Variants in KIAA1755 observed in about 807,000 individuals in gnomAD.
KIAA1755 encodes uncharacterized protein KIAA1755.
KIAA1755 carries 68 observed loss-of-function variants against 91.7 expected under a neutral mutation model. The ratio of observed to expected loss-of-function variants is 0.74; its 90% CI spans 0.61 to 0.91. KIAA1755 has a LOEUF of 0.91. KIAA1755 is among the 40% of genes least tolerant of loss of function. KIAA1755 has a pLI of 0.00. For synonymous variants in KIAA1755, 610 were observed against 604.6 expected (o/e 1.01, Z -0.13); for missense variants, 1,535 against 1,494.4 (o/e 1.03, Z -0.45).
At chr20:38,230,567 C>A (rs563673199) in intron 5 of KIAA1755, among the ~76,000 whole-genome samples, 1 of 152,296 alleles carries the variant, frequency 6.6e-6, no homozygotes, top group South Asian at 2.1e-4. Context: ...GTTTTAACAG[C>A]CCACCAGGTG....
chr20:38,213,469 T>G lies in KIAA1755; in HGVS notation c.3176A>C (p.Glu1059Ala). The G allele has an allele frequency of 6.2e-7, 1 of 1,605,838 alleles. No homozygotes were observed. The highest frequency in any genetic ancestry group is 8.5e-7 in the Non-Finnish European group (1 of 1,176,318). The change falls in exon 14 of 14, where the codon GAG becomes GCG. Residue 1059 changes from glutamate (E) to alanine (A), a missense_variant. Transcript: ENST00000279024. The stretch of plus-strand genomic sequence containing the variant: ...GCGCGCTGAGTGAGCAGCTGGAGCC[T>G]CTGGGCAAGAGCTGTGGGTCAGTGC... ...EKALTHSSCP[E>A]APAAHSARPE...
Position 38,238,489 on chromosome 20 carries a change from T to A in KIAA1755, c.1747+1039A>T, listed in dbSNP as rs139325665. 2.0e-3 allele frequency among the ~76,000 whole-genome samples: 312 copies of A among 152,272 alleles called. 1 individual carries two copies. The highest frequency in any genetic ancestry group is 7.1e-3 in the African/African-American group (293 of 41,542). ...GTTCCCAACTCTTCACCTGGATAAT[T>A]CCTACTCATACCATAGGACTGGGCT... is the stretch of plus-strand genomic sequence containing the variant. On this transcript the variant is annotated intron_variant, in intron 4 of 13. Coordinates refer to ENST00000279024, the MANE Select transcript of KIAA1755 (RefSeq NM_001029864.2).
At chr20:38,219,257 T>C (rs936986950) in intron 11 of KIAA1755, among the ~76,000 whole-genome samples, 56 of 152,048 alleles carry the variant, frequency 3.7e-4, no homozygotes, top group African/African-American at 1.2e-3. Context: ...CCCCGAGATA[T>C]GCAACCACAA....
intron 4 of KIAA1755, chr20:38,233,703 C>T (rs980131547): frequency 2.0e-5 from 3 of 152,168 alleles, no homozygotes; most frequent in African/African-American, 7.2e-5. Flanking sequence ...TGCTCTATAA[C>T]CTTCTATGGC....
At chr20:38,238,463 C>T (rs1298652985) in intron 4 of KIAA1755, among the ~76,000 whole-genome samples, 2 of 152,154 alleles carry the variant, frequency 1.3e-5, no homozygotes, top group South Asian at 2.1e-4. Context: ...TCTGGAACGC[C>T]GTTCCCAACT....
At chr20:38,231,755 C>T (rs775352983) in intron 4 of KIAA1755, among the ~76,000 whole-genome samples, 4 of 152,222 alleles carry the variant, frequency 2.6e-5, no homozygotes, top group Non-Finnish European at 4.4e-5. Context: ...AATCAGACAG[C>T]TCCTGAGAAG....
At chr20:38,225,850 A>G in intron 7 of KIAA1755, 69 bp from the exon 8 acceptor site, 1 of 873,864 alleles carries the variant, frequency 1.1e-6, no homozygotes. Flanking sequence ...GGTCCTGCCC[A>G]GATCCCTGCC....
chr20:38,218,887 G>A (rs1461500611), intron 11 of KIAA1755, among the ~76,000 whole-genome samples: 1 of 152,150 alleles, frequency 6.6e-6, no homozygotes, highest in Admixed American at 6.5e-5. Context: ...TGGTAAAATG[G>A]GGTAGACATG....
chr20:38,249,384 G>A (rs1276005330), intron 1 of KIAA1755, among the ~76,000 whole-genome samples: 2 of 152,202 alleles, frequency 1.3e-5, no homozygotes, highest in African/African-American at 4.8e-5. Flanking sequence ...GCTTACTTAA[G>A]GAGGGAAAAA....
chr20:38,236,011 G>A (rs546304203), intron 4 of KIAA1755, among the ~76,000 whole-genome samples: 27 of 152,356 alleles, frequency 1.8e-4, no homozygotes, highest in Admixed American at 1.0e-3. Context: ...TGTGGACGCA[G>A]AGACACCAGC....
intron 1 of KIAA1755, among the ~76,000 whole-genome samples, chr20:38,257,822 A>T (rs2076365782): frequency 6.6e-6 from 1 of 152,106 alleles, no homozygotes; most frequent in East Asian, 1.9e-4. Context: ...CGGGCTTGAA[A>T]TTGTTCACCA....
chr20:38,251,219 T>C (rs1447498576), intron 1 of KIAA1755, among the ~76,000 whole-genome samples: 1 of 152,200 alleles, frequency 6.6e-6, no homozygotes, highest in South Asian at 2.1e-4. Context: ...TCTCCCTCTC[T>C]TTCTCCCAAA....
intron 4 of KIAA1755, among the ~76,000 whole-genome samples, chr20:38,232,916 G>A (rs372178487): frequency 1.1e-4 from 16 of 151,896 alleles, no homozygotes; most frequent in East Asian, 1.9e-4. Context: ...TCGGGAGTTC[G>A]AGACCAGCCT....
At chr20:38,216,727 T>A (rs550072115) in intron 13 of KIAA1755, 3 of 432,264 alleles carry the variant, frequency 6.9e-6, no homozygotes, top group Non-Finnish European at 1.4e-5. Flanking sequence ...GGGAACAACA[T>A]TGGTTCCCTG....
At position 38,212,817 on chromosome 20, in the gene KIAA1755, T is replaced by G. The variant is rs1600550125; in HGVS notation, c.*225A>C. The stretch of plus-strand genomic sequence containing the variant: ...CACACCATTTATTGTGCCCTGGTTC[T>G]GACGCCCACTCTTGCTATTCTGCAT... On this transcript the variant is annotated 3_prime_UTR_variant, in exon 14 of 14. Coordinates refer to ENST00000279024, the MANE Select transcript of KIAA1755 (RefSeq NM_001029864.2). 1 of 486,684 alleles carries G rather than the reference T, an allele frequency of 2.1e-6. No individual in the cohort carries two copies. The highest frequency in any genetic ancestry group is 3.0e-5 in the East Asian group (1 of 33,266). The allele number at this position is 486,684 out of a possible 1,614,324, so 30.1% of individuals were successfully genotyped here. A position where few individuals can be genotyped will look rare whatever the true frequency, so the allele number is the denominator to read the frequency against.
intron 5 of KIAA1755, among the ~76,000 whole-genome samples, chr20:38,228,556 G>C (rs1313456366): frequency 1.3e-5 from 2 of 152,114 alleles, no homozygotes; most frequent in African/African-American, 4.8e-5. Context: ...TTTTTGTGTA[G>C]GCAGAATCCT....
intron 5 of KIAA1755, 107 bp downstream of exon 5, chr20:38,231,095 G>A (rs12106098): frequency 0.032 from 39,494 of 1,235,342 alleles, 913 homozygotes; most frequent in African/African-American, 0.084. Flanking sequence ...GTGAACAGAC[G>A]ACTGGATGGA....
At position 38,229,813 on chromosome 20, in the gene KIAA1755, T is replaced by C. The variant is rs1268921970; in HGVS notation, c.1871+1389A>G. Among the ~76,000 whole-genome samples the C allele has an allele frequency of 5.9e-5, 9 of 152,196 alleles. No individual in the cohort carries two copies. The South Asian group carries it at 1.9e-3, about 32-fold the overall frequency. The stretch of plus-strand genomic sequence containing the variant: ...GGGAGATTATTTCCCTATGGTTGCA[T>C]AGCCAGTCGGTGGGATCCCAGAGCT... On this transcript the variant is annotated intron_variant, in intron 5 of 13. Coordinates refer to ENST00000279024, the MANE Select transcript of KIAA1755 (RefSeq NM_001029864.2).
chr20:38,227,948 A>G (rs2075790320), intron 6 of KIAA1755, among the ~76,000 whole-genome samples, 199 bp downstream of exon 6: 1 of 152,222 alleles, frequency 6.6e-6, no homozygotes, highest in African/African-American at 2.4e-5. Flanking sequence ...TTGAAGCTGG[A>G]CTTGGCTCCT....
Sources: gnomAD v4.1 joint callset for allele counts (sites outside exome capture counted in the v4.1 genomes callset) on GRCh38, gnomAD v4.1.1 for gene constraint, MANE v1.5 for transcripts, NCBI Gene and HGNC (gene_info 2026-07-23, HGNC 2026-07-21) for gene names.